Variants in UTS2 observed in about 807,000 individuals in gnomAD.
UTS2 encodes the protein urotensin-2.
UTS2 carries 10 observed loss-of-function variants against 12.6 expected under a neutral mutation model. The ratio of observed to expected loss-of-function variants is 0.80; its 90% CI spans 0.49 to 1.35. The LOEUF is 1.35. Among genes scored for constraint, UTS2 ranks in the 40% most tolerant of loss-of-function variants. The pLI is 0.00. For missense variants in UTS2, 142 were observed against 143.2 expected (o/e 0.99, Z 0.04); for synonymous variants, 52 against 50.0 (o/e 1.04, Z -0.17).
At chr1:7,885,960 T>C in the UTS2 span, among the ~76,000 whole-genome samples, 14 of 149,762 alleles carry the variant, frequency 9.3e-5, no homozygotes, top group African/African-American at 3.4e-4. Context: ...GTGTGGCCCT[T>C]GTGGGGCCCC....
chr1:7,872,429 C>G, the UTS2 span, among the ~76,000 whole-genome samples: 585 of 151,564 alleles, frequency 3.9e-3, 20 homozygotes, highest in East Asian at 0.097. Context: ...AGCTTTACAA[C>G]TGGCAAAGGA....
At chr1:7,901,649 C>T in the UTS2 span, among the ~76,000 whole-genome samples, 1 of 148,698 alleles carries the variant, frequency 6.7e-6, no homozygotes, top group Non-Finnish European at 1.5e-5. Context: ...TATTTATATT[C>T]TCATTTAATC....
At chr1:7,892,413 C>T in the UTS2 span, among the ~76,000 whole-genome samples, 6 of 149,890 alleles carry the variant, frequency 4.0e-5, no homozygotes, top group South Asian at 2.1e-4. Context: ...GCAAAGCTTG[C>T]GATACAGCAT....
chr1:7,907,850 GT>G, the UTS2 span, among the ~76,000 whole-genome samples: 1 of 152,024 alleles, frequency 6.6e-6, no homozygotes, highest in African/African-American at 2.4e-5. Flanking sequence ...TTCACAGGTA[GT>G]TGTTTACCTT....
the UTS2 span, among the ~76,000 whole-genome samples, chr1:7,878,407 A>G: frequency 1.2e-3 from 185 of 152,376 alleles, no homozygotes; most frequent in African/African-American, 4.4e-3. Flanking sequence ...TTACCACTAC[A>G]GAAAACAACC....
chr1:7,872,299 C>CAAAAAAAA, the UTS2 span, among the ~76,000 whole-genome samples: 228 of 65,866 alleles, frequency 3.5e-3, 12 homozygotes, highest in African/African-American at 0.012. Context: ...GACTCTGTCT[C>CAAAAAAAA]AAAAAAAAAA....
At chr1:7,856,606 A>G (rs1440380689), upstream of UTS2, among the ~76,000 whole-genome samples, 2 of 36,392 alleles carry the variant, frequency 5.5e-5, no homozygotes, top group African/African-American at 2.4e-4. Flanking sequence ...CTGGCAGGAG[A>G]GCCCAGGGCG....
the UTS2 span, among the ~76,000 whole-genome samples, chr1:7,862,718 C>T: frequency 6.6e-6 from 1 of 152,078 alleles, no homozygotes; most frequent in East Asian, 1.9e-4. Flanking sequence ...ACTGAATGCC[C>T]CGCACCCCAG....
chr1:7,882,558 C>A, the UTS2 span, among the ~76,000 whole-genome samples: 19 of 152,088 alleles, frequency 1.2e-4, no homozygotes, highest in Non-Finnish European at 2.8e-4. Context: ...CAAAAATAGA[C>A]AAATGGGACT....
In UTS2 at chr1:7,852,961, A is replaced by C; in HGVS notation, c.43T>G (p.Leu15Val). ...AGAGGAAGAGATAAGAGAGGATTTA[A>C]GAATCCTATGAAAAGCAAACAGCAG... ...ASCCLLFIGF[L>V]NPLLSLPLLD... Residue 15 changes from leucine (L) to valine (V), a missense_variant, in exon 1 of 4, where the codon TTA (leucine) becomes GTA (valine). Coordinates refer to ENST00000361696, the MANE Select transcript of UTS2 (RefSeq NM_006786.4). The C allele has an allele frequency of 6.2e-6, 10 of 1,613,746 alleles. No individual in the cohort carries two copies. Among genetic ancestry groups the C allele is most frequent in the Non-Finnish European group, 8.5e-6 (10 of 1,179,850 alleles).
the UTS2 span, among the ~76,000 whole-genome samples, chr1:7,894,752 C>A: frequency 1.3e-5 from 2 of 149,648 alleles, no homozygotes; most frequent in Admixed American, 1.3e-4. Context: ...GAGGCTGAGG[C>A]GGGCAGATCA....
At chr1:7,859,515 G>C in the UTS2 span, among the ~76,000 whole-genome samples, 1 of 152,086 alleles carries the variant, frequency 6.6e-6, no homozygotes, top group South Asian at 2.1e-4. Flanking sequence ...AGAGGGCCTC[G>C]AAGCTATCTG....
At chr1:7,901,545 G>A in the UTS2 span, among the ~76,000 whole-genome samples, 1 of 151,850 alleles carries the variant, frequency 6.6e-6, no homozygotes. Context: ...ATATACATAT[G>A]TATGTATGTA....
At chr1:7,890,444 C>T in the UTS2 span, among the ~76,000 whole-genome samples, 1 of 152,000 alleles carries the variant, frequency 6.6e-6, no homozygotes, top group Non-Finnish European at 1.5e-5. Context: ...ATTTAGGAAG[C>T]CCTATAATAG....
intron 3 of UTS2, among the ~76,000 whole-genome samples, chr1:7,848,565 G>A (rs894189737): frequency 2.6e-5 from 4 of 152,172 alleles, no homozygotes; most frequent in Middle Eastern, 3.4e-3. Flanking sequence ...CTGTTCCCCG[G>A]GCTGGAGTGA....
At chr1:7,848,768 C>T (rs1338325697) in intron 3 of UTS2, among the ~76,000 whole-genome samples, 5 of 152,172 alleles carry the variant, frequency 3.3e-5, no homozygotes, top group Non-Finnish European at 7.4e-5. Flanking sequence ...AATCCGCCTA[C>T]CTCGGCCTCC....
rs760766777 is a variant in UTS2, at chr1:7,852,883, G to A, written c.103+18C>T. On this transcript the variant is annotated intron_variant, in intron 1 of 3. Coordinates refer to ENST00000361696, the MANE Select transcript of UTS2 (RefSeq NM_006786.4). ...AGGCTCTTTCAAGACTAACATAAGGGGAAAAAAAAAATCTTACCTGAGAGT... is the reference window on the plus strand; with the variant it reads ...AGGCTCTTTCAAGACTAACATAAGGAGAAAAAAAAAATCTTACCTGAGAGT... The A allele has an allele frequency of 1.3e-5, 21 of 1,597,498 alleles. No individual in the cohort carries two copies. In the South Asian group the frequency reaches 2.0e-4, roughly 16 times the overall value.
upstream of UTS2, among the ~76,000 whole-genome samples, chr1:7,856,517 G>A (rs74053390): frequency 0.056 from 3,203 of 56,984 alleles, 109 homozygotes; most frequent in African/African-American, 0.17. Context: ...TCGGGGAAGC[G>A]TGGCCTCCGA....
chr1:7,850,779 T>TGTTTA, intron 2 of UTS2, 33 bp downstream of exon 2: 1 of 1,603,708 alleles, frequency 6.2e-7, no homozygotes, highest in South Asian at 1.1e-5. Context: ...AGCAATTAAA[T>TGTTTA]CAGACACGCT....
Sources: gnomAD v4.1 joint callset for allele counts (sites outside exome capture counted in the v4.1 genomes callset) on GRCh38, gnomAD v4.1.1 for gene constraint, MANE v1.5 for transcripts, NCBI Gene and HGNC (gene_info 2026-07-23, HGNC 2026-07-21) for gene names.